MPPED2: variants seen among roughly 807,000 people sequenced by gnomAD.
MPPED2 encodes metallophosphoesterase domain containing 2.
In MPPED2, 5 loss-of-function variants were observed where a neutral mutation model predicts 33.0. The ratio of observed to expected loss-of-function variants is 0.15; its 90% CI spans 0.08 to 0.32. MPPED2 has a LOEUF of 0.32. Among genes scored for constraint, MPPED2 ranks in the 10% least tolerant of loss-of-function variants. MPPED2 has a pLI of 1.00. For synonymous variants in MPPED2, 136 were observed against 141.9 expected, an observed-to-expected ratio of 0.96 and a Z score of 0.29; for missense variants, 275 against 372.1, an observed-to-expected ratio of 0.74 and a Z score of 2.15.
intron 4 of MPPED2, among the ~76,000 whole-genome samples, chr11:30,474,896 G>A (rs1400214250): frequency 6.6e-6 from 1 of 152,046 alleles, no homozygotes; most frequent in Non-Finnish European, 1.5e-5. Flanking sequence ...CTCTTGCTTT[G>A]CTGCTCCAAG....
intron 6 of MPPED2, among the ~76,000 whole-genome samples, chr11:30,389,447 G>A (rs1947743945): frequency 6.6e-6 from 1 of 152,110 alleles, no homozygotes; most frequent in East Asian, 1.9e-4. Context: ...AATTCTTTGT[G>A]GTCCTCCTGC....
intron 3 of MPPED2, among the ~76,000 whole-genome samples, chr11:30,519,837 T>C (rs531353): frequency 0.79 from 120,247 of 152,032 alleles, 48,202 homozygotes; most frequent in African/African-American, 0.93. Flanking sequence ...TTAACAATTC[T>C]AAATTGAGGT....
chr11:30,419,869 ATGT>A, intron 4 of MPPED2, among the ~76,000 whole-genome samples: 1 of 152,304 alleles, frequency 6.6e-6, no homozygotes, highest in Admixed American at 6.5e-5. Flanking sequence ...GACTGTAATG[ATGT>A]TGTTGAACAT....
intron 4 of MPPED2, among the ~76,000 whole-genome samples, chr11:30,482,382 G>C (rs1050198194): frequency 1.3e-5 from 2 of 152,112 alleles, no homozygotes; most frequent in African/African-American, 4.8e-5. Context: ...TTCTTCAAGG[G>C]ACAAAACCAT....
At chr11:30,570,300 G>A (rs1956635540) in intron 2 of MPPED2, among the ~76,000 whole-genome samples, 1 of 151,932 alleles carries the variant, frequency 6.6e-6, no homozygotes, top group Non-Finnish European at 1.5e-5. Flanking sequence ...TCTTTTATAA[G>A]GGTTCCATCC....
At chr11:30,547,461 T>C (rs951817325) in intron 2 of MPPED2, among the ~76,000 whole-genome samples, 2 of 152,236 alleles carry the variant, frequency 1.3e-5, no homozygotes, top group African/African-American at 4.8e-5. Context: ...GATGTTTGTG[T>C]ATGGCTATGT....
At chr11:30,399,151 A>G (rs566317394) in intron 6 of MPPED2, among the ~76,000 whole-genome samples, 2 of 116,404 alleles carry the variant, frequency 1.7e-5, no homozygotes, top group South Asian at 5.6e-4. Context: ...ACATTAAAAA[A>G]AGATCCAATA....
intron 4 of MPPED2, among the ~76,000 whole-genome samples, chr11:30,492,894 T>C (rs1158331107): frequency 6.6e-6 from 1 of 152,172 alleles, no homozygotes; most frequent in African/African-American, 2.4e-5. Flanking sequence ...ACCTGGATTT[T>C]CTTATCTGCC....
At chr11:30,436,050 CTTT>C (rs71060449) in intron 4 of MPPED2, among the ~76,000 whole-genome samples, 6,773 of 108,290 alleles carry the variant, frequency 0.063, 230 homozygotes, top group African/African-American at 0.12. Flanking sequence ...AGTTTAGCAT[CTTT>C]TTTTTTTTTT....
chr11:30,531,863 G>A (rs1022552133), intron 3 of MPPED2, among the ~76,000 whole-genome samples: 3 of 152,230 alleles, frequency 2.0e-5, no homozygotes, highest in African/African-American at 7.2e-5. Flanking sequence ...GTAAGTACTT[G>A]TGTTAAAAGG....
chr11:30,385,051 T>C (rs944673698), exon 7 of MPPED2: 9 of 152,210 alleles, frequency 5.9e-5, no homozygotes, highest in African/African-American at 2.2e-4. Flanking sequence ...CCTTTCCTAC[T>C]AAGCAAGTAC....
intron 4 of MPPED2, among the ~76,000 whole-genome samples, chr11:30,490,213 G>A (rs937034498): frequency 4.6e-5 from 7 of 152,138 alleles, no homozygotes; most frequent in Non-Finnish European, 7.3e-5. Flanking sequence ...ACCACTGGTG[G>A]CAGAGAATCA....
At chr11:30,514,309 G>C (rs988244088) in intron 3 of MPPED2, among the ~76,000 whole-genome samples, 1 of 152,188 alleles carries the variant, frequency 6.6e-6, no homozygotes, top group South Asian at 2.1e-4. Context: ...CCTATACAAA[G>C]AGACATACTG....
In MPPED2 at chr11:30,458,914, C is replaced by CTTTTTTTTTTTT. The variant is rs71060450; in HGVS notation, c.536+36370_536+36381dup. 2.9e-4 allele frequency among the ~76,000 whole-genome samples: 19 copies of CTTTTTTTTTTTT among 64,516 alleles called. 2 individuals are homozygous for CTTTTTTTTTTTT. Among genetic ancestry groups the CTTTTTTTTTTTT allele is most frequent in the Non-Finnish European group, 4.5e-4 (15 of 33,374 alleles). 42.3% of individuals were successfully genotyped at this position (64,516 alleles called of 152,430 possible). A position where few individuals can be genotyped will look rare whatever the true frequency, so the allele number is the denominator to read the frequency against. On this transcript the variant is annotated intron_variant, in intron 4 of 6. Transcript: ENST00000358117. Reference sequence around the variant, plus strand: ...TTTTTTAGGACAATTTTGCACAGTTCTTTTTTTTTTTTTTTTTTTTTTTTT... The same window carrying CTTTTTTTTTTTT: ...TTTTTTAGGACAATTTTGCACAGTTCTTTTTTTTTTTTTTTTTTTTTTTTTTTTTTTTTTTTT...
At chr11:30,524,836 G>C (rs934760406) in intron 3 of MPPED2, among the ~76,000 whole-genome samples, 2 of 152,158 alleles carry the variant, frequency 1.3e-5, no homozygotes, top group Non-Finnish European at 2.9e-5. Flanking sequence ...ATTTCAGTTT[G>C]AGGTATTATT....
chr11:30,464,238 T>A (rs1285111480), intron 4 of MPPED2, among the ~76,000 whole-genome samples: 3 of 149,148 alleles, frequency 2.0e-5, no homozygotes, highest in African/African-American at 7.5e-5. Context: ...TAATAAGTTG[T>A]TAATTTTTAT....
intron 3 of MPPED2, among the ~76,000 whole-genome samples, chr11:30,528,550 C>T (rs1056299834): frequency 6.6e-6 from 1 of 152,170 alleles, no homozygotes; most frequent in African/African-American, 2.4e-5. Context: ...AGCCACCGTG[C>T]CTGGCCTCAT....
At chr11:30,574,727 T>C (rs887164200) in intron 2 of MPPED2, among the ~76,000 whole-genome samples, 3 of 152,194 alleles carry the variant, frequency 2.0e-5, no homozygotes, top group Non-Finnish European at 4.4e-5. Context: ...AAGCAAATAT[T>C]ACAGGCCAGG....
intron 4 of MPPED2, among the ~76,000 whole-genome samples, chr11:30,478,731 T>C (rs920394976): frequency 1.3e-5 from 2 of 152,164 alleles, no homozygotes; most frequent in Non-Finnish European, 2.9e-5. Flanking sequence ...TAAGGATTTA[T>C]GAGATTCATT....
Sources: gnomAD v4.1 joint callset for allele counts (sites outside exome capture counted in the v4.1 genomes callset) on GRCh38, gnomAD v4.1.1 for gene constraint, MANE v1.5 for transcripts, NCBI Gene and HGNC (gene_info 2026-07-23, HGNC 2026-07-21) for gene names.